NLK: variants seen among roughly 807,000 people sequenced by gnomAD.
NLK encodes the protein nemo like kinase.
Under a neutral mutation model 59.0 loss-of-function variants are expected in NLK, and 11 were observed. The observed-to-expected ratio is 0.19, with a 90% CI of 0.12 to 0.31. The LOEUF is 0.31. Among genes scored for constraint, NLK ranks in the 10% least tolerant of loss-of-function variants. NLK has a pLI of 1.00. For synonymous variants in NLK, 235 were observed against 235.9 expected (o/e 1.00, Z 0.03); for missense variants, 410 against 661.1 (o/e 0.62, Z 4.16).
chr17:28,103,549 A>G (rs1904973701), intron 1 of NLK, among the ~76,000 whole-genome samples: 1 of 152,212 alleles, frequency 6.6e-6, no homozygotes, highest in Non-Finnish European at 1.5e-5. Flanking sequence ...TGTATTTACA[A>G]GTGAGATAAT....
intron 1 of NLK, among the ~76,000 whole-genome samples, chr17:28,089,280 G>A: frequency 6.6e-6 from 1 of 151,996 alleles, no homozygotes; most frequent in East Asian, 1.9e-4. Context: ...TGTCACTATA[G>A]ATTAGTTTTC....
chr17:28,133,761 A>G (rs1040118376), intron 3 of NLK, among the ~76,000 whole-genome samples: 7 of 152,318 alleles, frequency 4.6e-5, no homozygotes, highest in African/African-American at 9.6e-5. Flanking sequence ...CTTTAGGCCT[A>G]TGACTCAGAA....
intron 1 of NLK, among the ~76,000 whole-genome samples, chr17:28,057,472 TTCAGTG>T (rs1909481130): frequency 6.6e-6 from 1 of 152,204 alleles, no homozygotes. Context: ...TAAAACAAAA[TTCAGTG>T]TAAATCAAAT....
At chr17:28,178,645 A>G (rs986670817) in intron 7 of NLK, among the ~76,000 whole-genome samples, 9 of 152,168 alleles carry the variant, frequency 5.9e-5, no homozygotes, top group African/African-American at 2.2e-4. Context: ...ATAGATAACA[A>G]TATTTTTGCG....
At chr17:28,145,062 T>G in intron 3 of NLK, among the ~76,000 whole-genome samples, 1 of 152,238 alleles carries the variant, frequency 6.6e-6, no homozygotes. Flanking sequence ...TATTGAATTG[T>G]ATCTTTGGCA....
At chr17:28,077,464 T>G (rs1424125663) in intron 1 of NLK, among the ~76,000 whole-genome samples, 2 of 151,990 alleles carry the variant, frequency 1.3e-5, no homozygotes, top group African/African-American at 2.4e-5. Flanking sequence ...TCCCACAACA[T>G]GTAGGAATTA....
At chr17:28,068,564 G>A (rs972344092) in intron 1 of NLK, among the ~76,000 whole-genome samples, 12 of 152,140 alleles carry the variant, frequency 7.9e-5, no homozygotes, top group Non-Finnish European at 1.6e-4. Context: ...TTGTGGCCTT[G>A]TATGTGATCA....
At chr17:28,205,580 A>T in the NLK span, among the ~76,000 whole-genome samples, 3 of 152,204 alleles carry the variant, frequency 2.0e-5, no homozygotes, top group Non-Finnish European at 4.4e-5. Context: ...AGAAAGAGAA[A>T]GAATTATTTT....
intron 5 of NLK, 47 bp downstream of exon 5, chr17:28,163,675 G>A (rs1333508173): frequency 2.7e-6 from 3 of 1,122,364 alleles, no homozygotes; most frequent in Non-Finnish European, 1.3e-6. Flanking sequence ...CAGAATGTCA[G>A]GGCAGGTTTA....
intron 1 of NLK, chr17:28,116,288 C>T: frequency 4.9e-6 from 1 of 203,814 alleles, no homozygotes; most frequent in South Asian, 9.5e-5. Context: ...GAAACACTGG[C>T]AGCACCTATT....
chr17:28,066,118 TA>T (rs1337629417), intron 1 of NLK, among the ~76,000 whole-genome samples: 1 of 152,156 alleles, frequency 6.6e-6, no homozygotes, highest in Non-Finnish European at 1.5e-5. Context: ...ACTCCACTAT[TA>T]TCTTCTTTCA....
chr17:28,061,841 T>TATATAATATATACATATATACATATAC (rs1909657509), intron 1 of NLK: 1 of 143,078 alleles, frequency 7.0e-6, no homozygotes. Flanking sequence ...TACATATACA[T>TATATAATATATACATATATACATATAC]ATATATAATA....
chr17:28,084,809 G>A (rs1044074440), intron 1 of NLK, among the ~76,000 whole-genome samples: 1 of 152,118 alleles, frequency 6.6e-6, no homozygotes, highest in Non-Finnish European at 1.5e-5. Context: ...TGATCTGCCC[G>A]CTTTGGCCTT....
rs36124275 is a variant in NLK, at chr17:28,143,478, AG to A, written c.644+10804del. The stretch of plus-strand genomic sequence containing the variant: ...GTTTCTGTCCATATTAAATGAAAAA[AG>A]AATGATTAAGTTTCCATTATCTGAA... On this transcript the variant is annotated intron_variant, in intron 3 of 10. Transcript: ENST00000407008. Among the ~76,000 whole-genome samples the A allele has an allele frequency of 6.5e-3, 994 of 152,304 alleles. 15 individuals are homozygous for A. Among genetic ancestry groups the A allele is most frequent in the African/African-American group, 0.022 (928 of 41,560 alleles).
chr17:28,065,360 CATGT>C (rs1190892846), intron 1 of NLK, among the ~76,000 whole-genome samples: 1 of 151,868 alleles, frequency 6.6e-6, no homozygotes, highest in East Asian at 1.9e-4. Context: ...GAGGGAATTT[CATGT>C]ACAAAGTCAG....
At chr17:28,150,197 T>A (rs1907424882) in intron 3 of NLK, among the ~76,000 whole-genome samples, 1 of 152,158 alleles carries the variant, frequency 6.6e-6, no homozygotes, top group African/African-American at 2.4e-5. Context: ...TTAAATGAGA[T>A]CATATATGAA....
chr17:28,045,995 A>G (rs1410405951), intron 1 of NLK, among the ~76,000 whole-genome samples: 1 of 152,234 alleles, frequency 6.6e-6, no homozygotes, highest in Non-Finnish European at 1.5e-5. Context: ...ACATATATTC[A>G]TTTAATGCAC....
chr17:28,164,146 G>T (rs1270220927), intron 5 of NLK, among the ~76,000 whole-genome samples: 2 of 152,146 alleles, frequency 1.3e-5, no homozygotes, highest in African/African-American at 4.8e-5. Context: ...GAGGCGGGCA[G>T]ATTGCTTGAG....
intron 8 of NLK, among the ~76,000 whole-genome samples, chr17:28,187,391 C>T (rs1193979699): frequency 2.0e-5 from 3 of 152,212 alleles, no homozygotes; most frequent in Admixed American, 6.5e-5. Flanking sequence ...GCACCTCCAC[C>T]TCCCGGGTTC....
Sources: gnomAD v4.1 joint callset for allele counts (sites outside exome capture counted in the v4.1 genomes callset) on GRCh38, gnomAD v4.1.1 for gene constraint, MANE v1.5 for transcripts, NCBI Gene and HGNC (gene_info 2026-07-23, HGNC 2026-07-21) for gene names.